DLC1: variants seen among roughly 807,000 people sequenced by gnomAD.
DLC1 encodes DLC1 Rho GTPase activating protein.
DLC1 carries 54 observed loss-of-function variants against 140.3 expected under a neutral mutation model. The observed-to-expected ratio is 0.38, with a 90% CI of 0.31 to 0.48. The LOEUF (loss-of-function observed/expected upper bound fraction) is 0.48. DLC1 is among the 20% of genes least tolerant of loss of function. The probability of loss-of-function intolerance (pLI) is 0.96; values close to 1 mark genes in which losing one functional copy is unlikely to be tolerated. For synonymous variants in DLC1, 986 were observed against 728.1 expected, an observed-to-expected ratio of 1.35 and a Z score of -5.70; for missense variants, 2,536 against 1,907.0, an observed-to-expected ratio of 1.33 and a Z score of -6.14.
intron 5 of DLC1, among the ~76,000 whole-genome samples, chr8:13,122,268 A>G (rs914337972): frequency 7.9e-5 from 12 of 152,134 alleles, no homozygotes; most frequent in African/African-American, 2.6e-4. Flanking sequence ...CTGCCTATCC[A>G]CTCAACTCTT....
At chr8:13,403,018 T>G (rs1033147395) in intron 2 of DLC1, among the ~76,000 whole-genome samples, 5 of 152,218 alleles carry the variant, frequency 3.3e-5, no homozygotes, top group Admixed American at 3.3e-4. Flanking sequence ...ATATGTTACT[T>G]AAGTAAACCG....
chr8:13,146,664 T>C (rs2128974555), intron 5 of DLC1, among the ~76,000 whole-genome samples: 1 of 152,276 alleles, frequency 6.6e-6, no homozygotes, highest in African/African-American at 2.4e-5. Flanking sequence ...ATTTCAGTTC[T>C]GTGTTTTTAA....
At chr8:13,351,856 AT>A (rs1238863691) in intron 4 of DLC1, among the ~76,000 whole-genome samples, 1 of 152,200 alleles carries the variant, frequency 6.6e-6, no homozygotes, top group African/African-American at 2.4e-5. Context: ...CAACAATTTG[AT>A]TTTTTTAAAT....
At chr8:13,408,142 A>C (rs1420050435) in intron 2 of DLC1, among the ~76,000 whole-genome samples, 1 of 152,208 alleles carries the variant, frequency 6.6e-6, no homozygotes, top group Non-Finnish European at 1.5e-5. Flanking sequence ...TATGTAGACT[A>C]GCAGGAAAGA....
intron 1 of DLC1, among the ~76,000 whole-genome samples, chr8:13,532,409 T>C (rs962887736): frequency 2.6e-5 from 4 of 152,336 alleles, no homozygotes; most frequent in Non-Finnish European, 4.4e-5. Context: ...AGAACATGAA[T>C]GGCAAAACAC....
In DLC1 at chr8:13,514,590, A is replaced by T; in HGVS notation, c.-126+12T>A. The stretch of plus-strand genomic sequence containing the variant: ...CCGCCTCAAAGCATAAAGATAGTCC[A>T]TAGCGTCTTACCTAGACAACGAGGA... On this transcript the variant is annotated intron_variant, in intron 1 of 17. Transcript: ENST00000276297. 2.5e-6 allele frequency: 1 copy of T among 398,560 alleles called. No individual in the cohort carries two copies. Among genetic ancestry groups the T allele is most frequent in the Non-Finnish European group, 4.4e-6 (1 of 226,026 alleles). 24.7% of individuals were successfully genotyped at this position (398,560 alleles called of 1,614,324 possible).
intron 2 of DLC1, among the ~76,000 whole-genome samples, chr8:13,456,804 C>G (rs1799411564): frequency 6.6e-6 from 1 of 152,176 alleles, no homozygotes; most frequent in South Asian, 2.1e-4. Context: ...ATGCTGAGAT[C>G]AGCTCCAAAG....
intron 4 of DLC1, among the ~76,000 whole-genome samples, chr8:13,315,169 C>A (rs969606820): frequency 1.3e-5 from 2 of 152,126 alleles, no homozygotes; most frequent in Non-Finnish European, 2.9e-5. Context: ...AATCCCAGCG[C>A]TTTGGGAGGC....
intron 1 of DLC1, among the ~76,000 whole-genome samples, chr8:13,507,322 C>T (rs1352859149): frequency 6.6e-6 from 1 of 152,094 alleles, no homozygotes. Flanking sequence ...TTTCTTAATT[C>T]CTTTATGTAA....
intron 5 of DLC1, among the ~76,000 whole-genome samples, chr8:13,196,730 C>T (rs933266413): frequency 1.8e-4 from 28 of 152,182 alleles, no homozygotes; most frequent in African/African-American, 6.5e-4. Context: ...TCATTTATGT[C>T]ACGAGAGTCA....
intron 1 of DLC1, among the ~76,000 whole-genome samples, chr8:13,523,017 T>C (rs1802808985): frequency 6.6e-6 from 1 of 152,162 alleles, no homozygotes; most frequent in African/African-American, 2.4e-5. Context: ...TCTCAAGTTG[T>C]TAAGGAAAGA....
intron 5 of DLC1, among the ~76,000 whole-genome samples, chr8:13,195,426 C>A (rs1175005236): frequency 6.6e-6 from 1 of 152,124 alleles, no homozygotes; most frequent in Non-Finnish European, 1.5e-5. Context: ...ATAGCTCCTG[C>A]CAATGGTGAA....
chr8:13,564,872 G>A (rs1804372554), intron 1 of DLC1, among the ~76,000 whole-genome samples: 4 of 152,134 alleles, frequency 2.6e-5, no homozygotes, highest in Admixed American at 2.6e-4. Flanking sequence ...GAGCCTGACT[G>A]GACTCTCTTT....
At chr8:13,351,864 A>T (rs904916036) in intron 4 of DLC1, among the ~76,000 whole-genome samples, 1 of 150,794 alleles carries the variant, frequency 6.6e-6, no homozygotes, top group Non-Finnish European at 1.5e-5. Context: ...TGATTTTTTT[A>T]AATGAAATTA....
chr8:13,217,483 C>T (rs1006465774), intron 5 of DLC1, among the ~76,000 whole-genome samples: 26 of 152,242 alleles, frequency 1.7e-4, no homozygotes, highest in African/African-American at 6.3e-4. Context: ...AATGCATTGG[C>T]TTCCCCCATT....
At chr8:13,174,959 G>A (rs2116945328) in intron 5 of DLC1, among the ~76,000 whole-genome samples, 1 of 152,162 alleles carries the variant, frequency 6.6e-6, no homozygotes, top group African/African-American at 2.4e-5. Context: ...ACTCAGAATG[G>A]TATTTCCTAG....
chr8:13,270,371 C>A (rs947239929), intron 5 of DLC1, among the ~76,000 whole-genome samples: 5 of 152,174 alleles, frequency 3.3e-5, no homozygotes, highest in Non-Finnish European at 7.3e-5. Flanking sequence ...TGCGAAACAT[C>A]CCTTTCAAGT....
chr8:13,543,431 T>C (rs1803551515), intron 1 of DLC1, among the ~76,000 whole-genome samples: 1 of 152,168 alleles, frequency 6.6e-6, no homozygotes, highest in Non-Finnish European at 1.5e-5. Context: ...TTCCTTTGGG[T>C]AAATATCCAG....
At chr8:13,246,166 T>C (rs890482629) in intron 5 of DLC1, among the ~76,000 whole-genome samples, 2 of 152,132 alleles carry the variant, frequency 1.3e-5, no homozygotes, top group African/African-American at 4.8e-5. Flanking sequence ...GAGAAGAGTT[T>C]TAGAGGCTGT....
Sources: allele counts gnomAD v4.1 joint callset (sites outside exome capture counted in the v4.1 genomes callset), GRCh38; gene constraint gnomAD v4.1.1; transcripts MANE v1.5; gene names NCBI Gene and HGNC (gene_info 2026-07-23, HGNC 2026-07-21).